PPEF1: variants seen among roughly 807,000 people sequenced by gnomAD.
The protein encoded by PPEF1 is serine/threonine-protein phosphatase with EF-hands 1.
In PPEF1, 12 loss-of-function variants were observed where a neutral mutation model predicts 53.3. That is an observed-to-expected ratio of 0.23 (90% CI 0.14 to 0.36). The LOEUF (loss-of-function observed/expected upper bound fraction) is 0.36. Ranked by LOEUF, PPEF1 falls within the 10% of genes least tolerant of loss-of-function variation. The pLI is 1.00. For missense variants in PPEF1, 334 were observed against 490.4 expected (o/e 0.68, Z 3.01); for synonymous variants, 165 against 176.7 (o/e 0.93, Z 0.52).
chrX:18,824,103 C>A lies in PPEF1; in HGVS notation c.1665+17C>A. 8.5e-7 allele frequency: 1 copy of A among 1,173,757 alleles called. No individual in the cohort carries two copies. The highest frequency in any genetic ancestry group is 1.2e-6 in the Non-Finnish European group (1 of 868,696). On this transcript the variant is annotated intron_variant, in intron 14 of 15. Coordinates refer to ENST00000470157, the MANE Select transcript of PPEF1 (RefSeq NM_001377996.1). Reference sequence around the variant, plus strand: ...GTACAAGAGGCAAGTGAAACATAGCCCCAGCTAAAACCTAGCCAGGGTGAA... The same window carrying A: ...GTACAAGAGGCAAGTGAAACATAGCACCAGCTAAAACCTAGCCAGGGTGAA...
intron 4 of PPEF1, among the ~76,000 whole-genome samples, chrX:18,694,151 G>T (rs899116632): frequency 8.9e-6 from 1 of 111,834 alleles, no homozygotes; most frequent in Non-Finnish European, 1.9e-5. Flanking sequence ...TGTTTTTATT[G>T]CTAAGTAGCA....
chrX:18,782,906 A>G (rs1241740373), intron 8 of PPEF1, among the ~76,000 whole-genome samples: 1 of 108,373 alleles, frequency 9.2e-6, no homozygotes, highest in Non-Finnish European at 1.9e-5. Context: ...TGAGGTCAGG[A>G]GTTCGAGACC....
intron 3 of PPEF1, among the ~76,000 whole-genome samples, chrX:18,745,172 T>TTATAATGTAATTATA (rs2045303466): frequency 1.1e-5 from 1 of 95,226 alleles, no homozygotes; most frequent in African/African-American, 3.8e-5. Context: ...TAATTATATA[T>TTATAATGTAATTATA]TATATTATAT....
At position 18,827,502 on chromosome X, in the gene PPEF1, T is replaced by C. The variant is rs758628858; in HGVS notation, c.*15T>C. ...ACCTTGGCTAAACACAAATGAGAGC[T>C]TCCCTCAGGCTCCCTGAAACAGCTA... On this transcript the variant is annotated 3_prime_UTR_variant, in exon 16 of 16. Coordinates refer to ENST00000470157, the MANE Select transcript of PPEF1 (RefSeq NM_001377996.1). 2.5e-6 allele frequency: 3 copies of C among 1,178,548 alleles called. No individual in the cohort carries two copies. The highest frequency in any genetic ancestry group is 3.5e-6 in the Non-Finnish European group (3 of 867,226).
At chrX:18,716,270 C>T (rs760305343) in intron 1 of PPEF1, among the ~76,000 whole-genome samples, 11 of 111,732 alleles carry the variant, frequency 9.8e-5, no homozygotes, top group South Asian at 3.7e-4. Flanking sequence ...CGGTGGCTCA[C>T]GCCTGTAATC....
At chrX:18,728,366 G>A (rs921588997) in intron 1 of PPEF1, among the ~76,000 whole-genome samples, 7 of 110,945 alleles carry the variant, frequency 6.3e-5, no homozygotes, top group Non-Finnish European at 9.4e-5. Context: ...TTACATGGTG[G>A]CAGACAAGAA....
At chrX:18,786,780 C>CAAA (rs761641178) in intron 9 of PPEF1, among the ~76,000 whole-genome samples, 1 of 58,829 alleles carries the variant, frequency 1.7e-5, no homozygotes, top group Non-Finnish European at 3.0e-5. Flanking sequence ...AACACTATCT[C>CAAA]AAAAAAAAAA....
chrX:18,725,714 C>T (rs746632095), intron 1 of PPEF1, among the ~76,000 whole-genome samples: 17 of 111,494 alleles, frequency 1.5e-4, no homozygotes, highest in African/African-American at 5.5e-4. Flanking sequence ...CATGTGTGCT[C>T]GGGTACAGGC....
chrX:18,795,267 G>A (rs1027885311), intron 10 of PPEF1, among the ~76,000 whole-genome samples: 12 of 112,287 alleles, frequency 1.1e-4, no homozygotes, highest in Non-Finnish European at 1.5e-4. Context: ...CTGAGATCGT[G>A]CCACTGCACT....
chrX:18,823,424 A>C, intron 13 of PPEF1, among the ~76,000 whole-genome samples: 1 of 110,416 alleles, frequency 9.1e-6, no homozygotes. Flanking sequence ...CAGGAGTTCA[A>C]GACCAGCCTG....
chrX:18,755,854 C>T (rs1698650643), intron 4 of PPEF1, among the ~76,000 whole-genome samples: 1 of 111,211 alleles, frequency 9.0e-6, no homozygotes, highest in Admixed American at 9.6e-5. Flanking sequence ...TTCCAGAGTC[C>T]ATCCGTGGTA....
intron 6 of PPEF1, among the ~76,000 whole-genome samples, chrX:18,778,461 C>T (rs182634329): frequency 9.0e-5 from 10 of 111,299 alleles, no homozygotes; most frequent in Admixed American, 2.9e-4. Flanking sequence ...GCAGTACATC[C>T]GAGCTGCTCA....
At chrX:18,772,197 T>G (rs970913693) in intron 6 of PPEF1, among the ~76,000 whole-genome samples, 2 of 110,840 alleles carry the variant, frequency 1.8e-5, no homozygotes, top group African/African-American at 6.6e-5. Context: ...ACTCAACTCA[T>G]TAAGTGGAAG....
intron 2 of PPEF1, among the ~76,000 whole-genome samples, chrX:18,731,919 G>A (rs753320962): frequency 2.7e-5 from 3 of 111,693 alleles, no homozygotes; most frequent in Admixed American, 9.5e-5. Flanking sequence ...ACAGAGTCTC[G>A]CTCTGTCGCT....
chrX:18,804,143 A>G lies in PPEF1; in HGVS notation c.1251+66A>G. On this transcript the variant is annotated intron_variant, in intron 11 of 15. Transcript: ENST00000470157. ...CCCCTAAGCACAGTCTTTTCTTCAC[A>G]GAGCATGTCTGGCCTAGAAGCCCAT... is the stretch of plus-strand genomic sequence containing the variant. The G allele has an allele frequency of 3.0e-6, 3 of 1,007,253 alleles. No individual in the cohort carries two copies. The East Asian group carries it at 9.4e-5, about 32-fold the overall frequency. The allele number at this position is 1,007,253 out of a possible 1,213,427, so 83.0% of individuals were successfully genotyped here.
chrX:18,789,863 C>A (rs2046293479), intron 10 of PPEF1, among the ~76,000 whole-genome samples: 1 of 112,127 alleles, frequency 8.9e-6, no homozygotes, highest in African/African-American at 3.2e-5. Context: ...TGGGTTGTTT[C>A]CACTTTTTGG....
At chrX:18,743,398 T>G (rs1367770558) in intron 3 of PPEF1, among the ~76,000 whole-genome samples, 1 of 110,263 alleles carries the variant, frequency 9.1e-6, no homozygotes, top group Non-Finnish European at 1.9e-5. Flanking sequence ...GCATTTCCCT[T>G]TGAGCAGTCA....
In PPEF1 at chrX:18,707,738, T is replaced by C. The variant is rs1225920556; in HGVS notation, c.-43T>C. The C allele has an allele frequency of 1.7e-6, 2 of 1,173,490 alleles. No homozygotes were observed. The highest frequency in any genetic ancestry group is 2.2e-5 in the Admixed American group (1 of 45,619). ...GCACTTTTCACACTCTGTCTTAAAA[T>C]CAGAAGTTGAATTCATGAACACATA... On this transcript the variant is annotated 5_prime_UTR_variant, in exon 1 of 16. Coordinates refer to ENST00000470157, the MANE Select transcript of PPEF1 (RefSeq NM_001377996.1).
chrX:18,735,377 A>C (rs1291189396), intron 3 of PPEF1, among the ~76,000 whole-genome samples: 2 of 111,889 alleles, frequency 1.8e-5, no homozygotes, highest in Admixed American at 1.9e-4. Context: ...CCATTTATTA[A>C]ATAGGGAACC....
Sources: gnomAD v4.1 joint callset for allele counts (sites outside exome capture counted in the v4.1 genomes callset) on GRCh38, gnomAD v4.1.1 for gene constraint, MANE v1.5 for transcripts, NCBI Gene and HGNC (gene_info 2026-07-23, HGNC 2026-07-21) for gene names.